The following PCSK2 variants were observed in gnomAD, a reference collection of about 807,000 sequenced individuals.
The protein encoded by PCSK2 is proprotein convertase subtilisin/kexin type 2, also known as neuroendocrine convertase 2.
A neutral mutation model predicts 69.7 loss-of-function variants in PCSK2; 14 were observed. The observed-to-expected ratio is 0.20, with a 90% CI of 0.13 to 0.31. The LOEUF (loss-of-function observed/expected upper bound fraction) is 0.31, where lower values mean the gene tolerates loss of function less well. PCSK2 is among the 10% of genes least tolerant of loss of function. The probability of loss-of-function intolerance (pLI) is 1.00; values close to 1 mark genes in which losing one functional copy is unlikely to be tolerated. For synonymous variants in PCSK2, 307 were observed against 320.7 expected (o/e 0.96, Z 0.46); for missense variants, 544 against 842.5 (o/e 0.65, Z 4.39).
intron 6 of PCSK2, among the ~76,000 whole-genome samples, chr20:17,428,268 C>T (rs2032288336): frequency 6.6e-6 from 1 of 152,172 alleles, no homozygotes; most frequent in Non-Finnish European, 1.5e-5. Flanking sequence ...CAAGGGCCGA[C>T]CTCTGCAGTG....
intron 6 of PCSK2, among the ~76,000 whole-genome samples, chr20:17,421,670 C>T (rs2032129371): frequency 6.6e-6 from 1 of 152,036 alleles, no homozygotes. Flanking sequence ...CACTGGCTTG[C>T]TGACTAATCT....
chr20:17,443,584 C>G, intron 8 of PCSK2, among the ~76,000 whole-genome samples: 1 of 152,100 alleles, frequency 6.6e-6, no homozygotes, highest in East Asian at 1.9e-4. Flanking sequence ...TTTTTTGACA[C>G]CTGAGGCCAA....
intron 2 of PCSK2, among the ~76,000 whole-genome samples, chr20:17,315,546 G>A (rs766237518): frequency 1.7e-4 from 26 of 152,222 alleles, no homozygotes; most frequent in Non-Finnish European, 3.4e-4. Flanking sequence ...GACTCCCGGC[G>A]CCTTTCTGGT....
intron 8 of PCSK2, among the ~76,000 whole-genome samples, chr20:17,438,198 G>T (rs1000861147): frequency 3.3e-5 from 5 of 152,164 alleles, no homozygotes; most frequent in Non-Finnish European, 5.9e-5. Context: ...TCAAATAGAT[G>T]AAATGGCTAT....
At chr20:17,406,803 G>A (rs558859008) in intron 5 of PCSK2, among the ~76,000 whole-genome samples, 51 of 152,292 alleles carry the variant, frequency 3.3e-4, no homozygotes, top group Middle Eastern at 6.8e-3. Context: ...CTGCCAGCCT[G>A]GTAGAAACAT....
intron 11 of PCSK2, among the ~76,000 whole-genome samples, chr20:17,474,692 G>A (rs73900826): frequency 0.033 from 5,062 of 152,138 alleles, 299 homozygotes; most frequent in African/African-American, 0.12. Flanking sequence ...GGAACACACC[G>A]GCCCTTGTTG....
chr20:17,259,470 A>G (rs2122996401), intron 1 of PCSK2, among the ~76,000 whole-genome samples: 1 of 152,298 alleles, frequency 6.6e-6, no homozygotes, highest in Middle Eastern at 3.4e-3. Context: ...AATCATACTG[A>G]TGGTAACAGA....
chr20:17,373,568 A>G (rs2030837436), intron 5 of PCSK2, among the ~76,000 whole-genome samples: 1 of 152,196 alleles, frequency 6.6e-6, no homozygotes, highest in South Asian at 2.1e-4. Context: ...TAAAATAAAT[A>G]GACATGTTCT....
At chr20:17,400,150 AT>A (rs1218295264) in intron 5 of PCSK2, among the ~76,000 whole-genome samples, 2 of 152,360 alleles carry the variant, frequency 1.3e-5, no homozygotes, top group Admixed American at 1.3e-4. Context: ...AGGTTAAATT[AT>A]TAGCTAAATG....
At chr20:17,413,095 C>T (rs2031914914) in intron 6 of PCSK2, among the ~76,000 whole-genome samples, 1 of 152,170 alleles carries the variant, frequency 6.6e-6, no homozygotes, top group Non-Finnish European at 1.5e-5. Context: ...TTGCAAAGAC[C>T]ATCAATGCTA....
Position 17,277,637 on chromosome 20 carries a change from A to G in PCSK2, c.282+17293A>G, listed in dbSNP as rs1325432740. ...AACCCTAGAAGAAAACCTAGGCAAT[A>G]CCATTCAGGACATAGGCATGGGCAA... is the stretch of plus-strand genomic sequence containing the variant. On this transcript the variant is annotated intron_variant, in intron 2 of 11. Coordinates refer to ENST00000262545, the MANE Select transcript of PCSK2 (RefSeq NM_002594.5). Among the ~76,000 whole-genome samples the G allele has an allele frequency of 2.0e-5, 3 of 147,942 alleles. No homozygotes were observed. In the South Asian group the frequency reaches 6.4e-4, roughly 32 times the overall value.
At chr20:17,359,028 C>G (rs1257576872) in intron 3 of PCSK2, among the ~76,000 whole-genome samples, 1 of 152,222 alleles carries the variant, frequency 6.6e-6, no homozygotes, top group East Asian at 1.9e-4. Context: ...AACAGTTCAT[C>G]ATGATCCATT....
chr20:17,343,200 C>A (rs571475888), intron 2 of PCSK2, among the ~76,000 whole-genome samples: 25 of 152,332 alleles, frequency 1.6e-4, no homozygotes, highest in Admixed American at 6.5e-4. Context: ...GAACTTCATA[C>A]AACGCACACC....
At chr20:17,325,979 G>A (rs1046638404) in intron 2 of PCSK2, among the ~76,000 whole-genome samples, 12 of 152,216 alleles carry the variant, frequency 7.9e-5, no homozygotes, top group African/African-American at 1.9e-4. Context: ...TATTCCTCTC[G>A]CTGCAATGAC....
At chr20:17,309,021 G>A (rs902908480) in intron 2 of PCSK2, among the ~76,000 whole-genome samples, 1 of 152,206 alleles carries the variant, frequency 6.6e-6, no homozygotes, top group African/African-American at 2.4e-5. Flanking sequence ...CTTGATGGAA[G>A]AATCTGAAAA....
At chr20:17,424,562 G>A (rs2300924) in intron 6 of PCSK2, among the ~76,000 whole-genome samples, 50,542 of 151,622 alleles carry the variant, frequency 0.33, 9,833 homozygotes, top group South Asian at 0.59. Context: ...GCTCCGTCTC[G>A]GCTCACTGTG....
intron 5 of PCSK2, among the ~76,000 whole-genome samples, chr20:17,383,476 G>A (rs1206223797): frequency 6.6e-6 from 1 of 152,186 alleles, no homozygotes; most frequent in Non-Finnish European, 1.5e-5. Context: ...CAAGAAAACA[G>A]AGAACTACAG....
chr20:17,291,535 G>C (rs1988693416), intron 2 of PCSK2, among the ~76,000 whole-genome samples: 1 of 152,132 alleles, frequency 6.6e-6, no homozygotes, highest in African/African-American at 2.4e-5. Flanking sequence ...ACATATGCAG[G>C]TATATCTGTA....
At chr20:17,280,840 C>T (rs1167116175) in intron 2 of PCSK2, among the ~76,000 whole-genome samples, 1 of 152,184 alleles carries the variant, frequency 6.6e-6, no homozygotes, top group Admixed American at 6.5e-5. Context: ...AAATGATAAA[C>T]TCCCACACCA....
Sources: allele counts gnomAD v4.1 joint callset (sites outside exome capture counted in the v4.1 genomes callset), GRCh38; gene constraint gnomAD v4.1.1; transcripts MANE v1.5; gene names NCBI Gene and HGNC (gene_info 2026-07-23, HGNC 2026-07-21).